Variants in KCNIP4 observed in about 807,000 individuals in gnomAD.
The protein encoded by KCNIP4 is potassium voltage-gated channel interacting protein 4.
A neutral mutation model predicts 34.0 loss-of-function variants in KCNIP4; 12 were observed. The observed-to-expected ratio is 0.35, with a 90% CI of 0.23 to 0.57. The LOEUF is 0.57. Among genes scored for constraint, KCNIP4 ranks in the 20% least tolerant of loss-of-function variants. The pLI is 0.83. For synonymous variants in KCNIP4, 124 were observed against 102.2 expected, an observed-to-expected ratio of 1.21 and a Z score of -1.29; for missense variants, 238 against 311.7, an observed-to-expected ratio of 0.76 and a Z score of 1.78.
At chr4:21,186,466 G>T (rs1755238312) in intron 1 of KCNIP4, among the ~76,000 whole-genome samples, 1 of 152,132 alleles carries the variant, frequency 6.6e-6, no homozygotes, top group African/African-American at 2.4e-5. Flanking sequence ...GTAGATAAAA[G>T]AAATTCTCCT....
At chr4:21,796,432 C>A (rs147724652) in intron 1 of KCNIP4, among the ~76,000 whole-genome samples, 22 of 152,322 alleles carry the variant, frequency 1.4e-4, no homozygotes, top group African/African-American at 5.1e-4. Flanking sequence ...CAAGCTTGGT[C>A]CTTCTCTGTC....
intron 1 of KCNIP4, among the ~76,000 whole-genome samples, chr4:21,538,477 T>C: frequency 6.6e-6 from 1 of 151,210 alleles, no homozygotes; most frequent in East Asian, 2.1e-4. Context: ...AGTGTTCCAC[T>C]TCATTTTAAC....
chr4:21,452,768 T>G (rs1462669285), intron 1 of KCNIP4, among the ~76,000 whole-genome samples: 1 of 148,044 alleles, frequency 6.8e-6, no homozygotes, highest in Non-Finnish European at 1.5e-5. Flanking sequence ...GTCTGCTATC[T>G]CTGAAAAAAA....
intron 1 of KCNIP4, among the ~76,000 whole-genome samples, chr4:21,614,635 TTAAA>T (rs1744446571): frequency 6.7e-6 from 1 of 149,508 alleles, no homozygotes; most frequent in African/African-American, 2.4e-5. Context: ...ACATTATAGC[TTAAA>T]TATACACATT....
intron 1 of KCNIP4, among the ~76,000 whole-genome samples, chr4:20,973,729 A>G (rs1340979441): frequency 6.6e-6 from 1 of 152,114 alleles, no homozygotes; most frequent in African/African-American, 2.4e-5. Context: ...TTGTAGGATT[A>G]TTAATTGGCC....
chr4:21,272,669 TG>T (rs1430579162), intron 1 of KCNIP4, among the ~76,000 whole-genome samples: 1 of 152,194 alleles, frequency 6.6e-6, no homozygotes, highest in Non-Finnish European at 1.5e-5. Context: ...AAGCTATGCC[TG>T]TTTAATTCAG....
At chr4:21,899,746 C>T (rs977599004) in intron 1 of KCNIP4, among the ~76,000 whole-genome samples, 44 of 152,122 alleles carry the variant, frequency 2.9e-4, no homozygotes, top group African/African-American at 9.9e-4. Flanking sequence ...AAGGAAGGAA[C>T]TCTACACTGA....
intron 3 of KCNIP4, among the ~76,000 whole-genome samples, chr4:20,780,637 A>T (rs1756791300): frequency 6.6e-6 from 1 of 152,194 alleles, no homozygotes; most frequent in Admixed American, 6.5e-5. Flanking sequence ...AGGTCAAATG[A>T]TGCAGGCTTT....
At chr4:21,581,614 A>G (rs776113568) in intron 1 of KCNIP4, among the ~76,000 whole-genome samples, 21 of 152,140 alleles carry the variant, frequency 1.4e-4, no homozygotes, top group Non-Finnish European at 2.5e-4. Flanking sequence ...CACAGTTATT[A>G]AAGGGCTTAA....
intron 1 of KCNIP4, among the ~76,000 whole-genome samples, chr4:21,118,245 A>C (rs1749855158): frequency 6.6e-6 from 1 of 152,170 alleles, no homozygotes; most frequent in African/African-American, 2.4e-5. Flanking sequence ...TCCAATCCAC[A>C]AACCCTGCAG....
chr4:21,396,828 A>G (rs752615982), intron 1 of KCNIP4, among the ~76,000 whole-genome samples: 1 of 152,208 alleles, frequency 6.6e-6, no homozygotes, highest in Non-Finnish European at 1.5e-5. Flanking sequence ...GCTAGAAAAC[A>G]GATTCTCTCT....
chr4:21,064,380 A>G (rs1744173272), intron 1 of KCNIP4, among the ~76,000 whole-genome samples: 1 of 151,472 alleles, frequency 6.6e-6, no homozygotes, highest in South Asian at 2.1e-4. Flanking sequence ...GTGTGTTGGC[A>G]TTTTTACTCC....
At chr4:21,944,048 T>C (rs1730354975) in intron 1 of KCNIP4, among the ~76,000 whole-genome samples, 1 of 151,828 alleles carries the variant, frequency 6.6e-6, no homozygotes, top group Non-Finnish European at 1.5e-5. Flanking sequence ...ATACTGACTT[T>C]AAGGTGCTGG....
intron 1 of KCNIP4, among the ~76,000 whole-genome samples, chr4:21,939,715 T>A (rs1177457667): frequency 1.3e-5 from 2 of 152,132 alleles, no homozygotes; most frequent in Admixed American, 6.5e-5. Flanking sequence ...GCAATAATAC[T>A]GTGCATCAAA....
At chr4:20,734,778 AAAAC>A (rs779945220) in intron 5 of KCNIP4, 43 bp from the exon 6 acceptor site, 3 of 1,163,022 alleles carry the variant, frequency 2.6e-6, no homozygotes, top group Non-Finnish European at 3.7e-6. Flanking sequence ...CATTTTTAAA[AAAAC>A]AAAAACAAAA....
chr4:20,881,030 T>G (rs1724624356), intron 2 of KCNIP4, among the ~76,000 whole-genome samples: 1 of 152,242 alleles, frequency 6.6e-6, no homozygotes. Context: ...TAATGTAAGC[T>G]CTAATAGAAG....
intron 1 of KCNIP4, among the ~76,000 whole-genome samples, chr4:21,187,429 G>C (rs75407148): frequency 2.0e-5 from 3 of 152,186 alleles, no homozygotes; most frequent in Non-Finnish European, 4.4e-5. Context: ...AAATTGTAAA[G>C]TGCTGTAACC....
intron 1 of KCNIP4, among the ~76,000 whole-genome samples, chr4:21,025,561 T>G (rs1465417038): frequency 7.8e-6 from 1 of 128,158 alleles, no homozygotes; most frequent in Non-Finnish European, 1.6e-5. Flanking sequence ...TTTTTTTTTT[T>G]TTTTTTTTTT....
At chr4:21,794,207 G>T in intron 1 of KCNIP4, among the ~76,000 whole-genome samples, 1 of 152,040 alleles carries the variant, frequency 6.6e-6, no homozygotes, top group South Asian at 2.1e-4. Flanking sequence ...CACCAACATG[G>T]CATATGCATA....
Sources: gnomAD v4.1 joint callset for allele counts (sites outside exome capture counted in the v4.1 genomes callset) on GRCh38, gnomAD v4.1.1 for gene constraint, MANE v1.5 for transcripts, NCBI Gene and HGNC (gene_info 2026-07-23, HGNC 2026-07-21) for gene names.